Variants in CLEC16A observed in about 807,000 individuals in gnomAD.
The protein encoded by CLEC16A is protein CLEC16A.
Under a neutral mutation model 109.5 loss-of-function variants are expected in CLEC16A, and 51 were observed. That is an observed-to-expected ratio of 0.47 (90% CI 0.37 to 0.59). The LOEUF is 0.59. Ranked by LOEUF, CLEC16A falls within the 20% of genes least tolerant of loss-of-function variation. CLEC16A has a pLI of 0.00. For synonymous variants in CLEC16A, 673 were observed against 564.2 expected, an observed-to-expected ratio of 1.19 and a Z score of -2.73; for missense variants, 1,339 against 1,394.0, an observed-to-expected ratio of 0.96 and a Z score of 0.63.
chr16:10,967,591 T>A (rs2042573425), intron 3 of CLEC16A, among the ~76,000 whole-genome samples: 1 of 152,122 alleles, frequency 6.6e-6, no homozygotes, highest in Non-Finnish European at 1.5e-5. Context: ...AGAATGGCAG[T>A]TAACATTATC....
intron 18 of CLEC16A, among the ~76,000 whole-genome samples, chr16:11,056,183 G>A (rs1344891227): frequency 6.6e-6 from 1 of 152,134 alleles, no homozygotes; most frequent in African/African-American, 2.4e-5. Flanking sequence ...AGTGAAGAAG[G>A]AAAACAGTGG....
At chr16:11,175,075 C>G (rs1012673044) in intron 23 of CLEC16A, among the ~76,000 whole-genome samples, 2 of 152,230 alleles carry the variant, frequency 1.3e-5, no homozygotes, top group African/African-American at 4.8e-5. Context: ...TCTACAGGTA[C>G]CATCCTTTTC....
rs889749068 is a variant in CLEC16A, at chr16:11,181,241, C to T, written c.*2551C>T. 6.6e-6 allele frequency: 1 copy of T among 152,328 alleles called. No individual in the cohort carries two copies. The highest frequency in any genetic ancestry group is 1.5e-5 in the Non-Finnish European group (1 of 68,116). 9.4% of individuals were successfully genotyped at this position (152,328 alleles called of 1,614,324 possible). A position where few individuals can be genotyped will look rare whatever the true frequency, so the allele number is the denominator to read the frequency against. ...CAGGAGCTCCCGTCAAACCTCATAG[C>T]TGGGGCGCTCCCAGACAGGCCAGTC... is the stretch of plus-strand genomic sequence containing the variant. On this transcript the variant is annotated 3_prime_UTR_variant, in exon 24 of 24. Coordinates refer to ENST00000409790, the MANE Select transcript of CLEC16A (RefSeq NM_015226.3).
chr16:11,135,855 C>T (rs1370723051), intron 22 of CLEC16A, among the ~76,000 whole-genome samples: 1 of 152,264 alleles, frequency 6.6e-6, no homozygotes, highest in Non-Finnish European at 1.5e-5. Context: ...TGCTCACCAG[C>T]ACGGGCCTGG....
At chr16:11,100,760 G>C (rs2050870325) in intron 19 of CLEC16A, among the ~76,000 whole-genome samples, 1 of 152,208 alleles carries the variant, frequency 6.6e-6, no homozygotes, top group Non-Finnish European at 1.5e-5. Flanking sequence ...ATATTACACT[G>C]TAACTGTTAG....
chr16:11,156,614 G>A (rs931262350), intron 22 of CLEC16A: 21 of 1,304,168 alleles, frequency 1.6e-5, no homozygotes, highest in Admixed American at 6.9e-5. Flanking sequence ...CCAGATGGCC[G>A]CTCCCAAGCT....
intron 23 of CLEC16A, among the ~76,000 whole-genome samples, chr16:11,176,692 C>T (rs546072356): frequency 1.3e-5 from 2 of 152,278 alleles, no homozygotes; most frequent in South Asian, 2.1e-4. Flanking sequence ...GAGCTATGAT[C>T]ATGCCACTGC....
At chr16:10,989,923 G>C (rs76571466) in intron 10 of CLEC16A, among the ~76,000 whole-genome samples, 1 of 152,296 alleles carries the variant, frequency 6.6e-6, no homozygotes, top group Non-Finnish European at 1.5e-5. Context: ...CGAGTCTCCC[G>C]TGTGCTGAAT....
intron 2 of CLEC16A, among the ~76,000 whole-genome samples, chr16:10,959,253 A>G (rs1463826617): frequency 6.6e-6 from 1 of 152,228 alleles, no homozygotes; most frequent in Admixed American, 6.5e-5. Context: ...AAGGTTATCC[A>G]ATAAAGCTAC....
chr16:11,046,553 A>G (rs2047643940), intron 16 of CLEC16A, among the ~76,000 whole-genome samples: 1 of 152,170 alleles, frequency 6.6e-6, no homozygotes, highest in Non-Finnish European at 1.5e-5. Flanking sequence ...AGAGATTACC[A>G]TGACAGTGAG....
chr16:11,012,527 G>A lies in CLEC16A; in HGVS notation c.1304-7666G>A, dbSNP rs1220764841. 1.6e-4 allele frequency among the ~76,000 whole-genome samples: 24 copies of A among 149,600 alleles called. No homozygotes were observed. The East Asian group carries it at 3.8e-3, about 23-fold the overall frequency. ...GGAGAATGGCGTGAACCCGGGAGGCGGAGCTTGTGGTGAGCCGAGATCACG... is the reference window on the plus strand; with the variant it reads ...GGAGAATGGCGTGAACCCGGGAGGCAGAGCTTGTGGTGAGCCGAGATCACG... On this transcript the variant is annotated intron_variant, in intron 11 of 23. Transcript: ENST00000409790.
chr16:11,026,182 A>G (rs115055923), intron 13 of CLEC16A, among the ~76,000 whole-genome samples: 1 of 152,212 alleles, frequency 6.6e-6, no homozygotes, highest in Non-Finnish European at 1.5e-5. Context: ...ATGCTCACCT[A>G]ATAGAATGAA....
At chr16:11,172,042 TCCCA>T (rs754511274) in intron 23 of CLEC16A, among the ~76,000 whole-genome samples, 200 of 150,174 alleles carry the variant, frequency 1.3e-3, no homozygotes, top group Non-Finnish European at 2.2e-3. Context: ...ATAGTCACAC[TCCCA>T]CACACATACA....
rs753463909 is a variant in CLEC16A, at chr16:11,174,158, G to A, written c.2807-4177G>A. 3.4e-5 allele frequency: 16 copies of A among 470,276 alleles called. 1 individual carries two copies. The highest frequency in any genetic ancestry group is 2.3e-4 in the South Asian group (15 of 64,548). 29.1% of individuals were successfully genotyped at this position (470,276 alleles called of 1,614,324 possible). On this transcript the variant is annotated intron_variant, in intron 23 of 23. Coordinates refer to ENST00000409790, the MANE Select transcript of CLEC16A (RefSeq NM_015226.3). The surrounding 1 kb of genome is among the most constrained non-coding windows in gnomAD (Gnocchi z 4.7). ...GTCGCTGTGTTTTCCCTCTAGTCAG[G>A]AGTGGCAGGAAAGGACGCCGACGAG...
chr16:10,998,785 C>T (rs988073992), intron 10 of CLEC16A, among the ~76,000 whole-genome samples: 3 of 152,126 alleles, frequency 2.0e-5, no homozygotes, highest in African/African-American at 7.2e-5. Flanking sequence ...GTCCAGGCAC[C>T]GTGGGGTAGA....
intron 22 of CLEC16A, among the ~76,000 whole-genome samples, chr16:11,134,958 C>G (rs2053471546): frequency 6.6e-6 from 1 of 152,240 alleles, no homozygotes; most frequent in Non-Finnish European, 1.5e-5. Context: ...GTTTCAAGGA[C>G]AAACCTGCAA....
At chr16:11,004,167 T>A (rs2044847805) in intron 11 of CLEC16A, among the ~76,000 whole-genome samples, 1 of 152,166 alleles carries the variant, frequency 6.6e-6, no homozygotes, top group African/African-American at 2.4e-5. Context: ...GGTCAATTTT[T>A]CACCTCCCTC....
intron 22 of CLEC16A, among the ~76,000 whole-genome samples, chr16:11,151,720 G>C (rs1203618776): frequency 2.0e-5 from 3 of 152,236 alleles, no homozygotes; most frequent in Non-Finnish European, 4.4e-5. Flanking sequence ...GGAGAGAGTA[G>C]CGACTTCTCT....
chr16:11,008,372 C>G (rs1433943200), intron 11 of CLEC16A, among the ~76,000 whole-genome samples: 1 of 152,188 alleles, frequency 6.6e-6, no homozygotes, highest in East Asian at 1.9e-4. Flanking sequence ...AAATACTAAT[C>G]AGATTCGAAT....
Sources: gnomAD v4.1 joint callset for allele counts (sites outside exome capture counted in the v4.1 genomes callset) on GRCh38, gnomAD v4.1.1 for gene constraint, Gnocchi (gnomAD v3.1) non-coding constraint, MANE v1.5 for transcripts, NCBI Gene and HGNC (gene_info 2026-07-23, HGNC 2026-07-21) for gene names.